The following TTN variants were observed in gnomAD, a reference collection of about 807,000 sequenced individuals.
TTN encodes titin.
In TTN, 1,525 loss-of-function variants were observed where a neutral mutation model predicts 3,223.0. The ratio of observed to expected loss-of-function variants is 0.47; its 90% CI spans 0.45 to 0.49. The LOEUF (loss-of-function observed/expected upper bound fraction) is 0.49. TTN is among the 20% of genes least tolerant of loss of function. The probability of loss-of-function intolerance (pLI) is 0.00; values close to 1 mark genes in which losing one functional copy is unlikely to be tolerated. For synonymous variants in TTN, 14,094 were observed against 15,161.0 expected, an observed-to-expected ratio of 0.93 and a Z score of 5.17; for missense variants, 40,786 against 43,424.0, an observed-to-expected ratio of 0.94 and a Z score of 5.40.
At position 178,740,828 on chromosome 2, in the gene TTN, A is replaced by G. The variant is rs767823868; in HGVS notation, c.12405T>C (p.Asn4135=). The part of the protein sequence containing the change: ...PESTREFLCI[N]GSIHFQPLKE... ...TGAGAGGCTGAAAGTGAATACTGCCATTGATGCAAAGAAATTCCCTGGTGC... is the reference window on the plus strand; with the variant it reads ...TGAGAGGCTGAAAGTGAATACTGCCGTTGATGCAAAGAAATTCCCTGGTGC... Residue 4135 remains asparagine, a synonymous_variant, in exon 48 of 363, where the codon AAT becomes AAC. Transcript: ENST00000589042. The G allele has an allele frequency of 6.2e-7, 1 of 1,613,674 alleles. No homozygotes were observed. The highest frequency in any genetic ancestry group is 1.3e-5 in the African/African-American group (1 of 74,896).
Position 178,694,814 on chromosome 2 carries a change from T to C in TTN, c.31348+15A>G, listed in dbSNP as rs1197331984. The C allele has an allele frequency of 1.3e-6, 2 of 1,549,016 alleles. No homozygotes were observed. The highest frequency in any genetic ancestry group is 3.9e-5 in the Admixed American group (2 of 51,320). The stretch of plus-strand genomic sequence containing the variant: ...TACTTGTGTACATGGGTGCTAGGAA[T>C]GTTTTAAATAATACCTTTGGTGACT... On this transcript the variant is annotated intron_variant, in intron 116 of 362. Transcript: ENST00000589042.
chr2:178,688,790 T>G lies in TTN; in HGVS notation c.32096-12A>C. On this transcript the variant is annotated splice_polypyrimidine_tract_variant and intron_variant, in intron 125 of 362. Coordinates refer to ENST00000589042, the MANE Select transcript of TTN (RefSeq NM_001267550.2). ...CTTAGAGACTTCAGCTTTAAGAAAGTGTTAAAGTTGAAGTTTAAAATCAAG... is the reference window on the plus strand; with the variant it reads ...CTTAGAGACTTCAGCTTTAAGAAAGGGTTAAAGTTGAAGTTTAAAATCAAG... 1 of 1,579,482 alleles carries G rather than the reference T, an allele frequency of 6.3e-7. No individual in the cohort carries two copies. Among genetic ancestry groups the G allele is most frequent in the Non-Finnish European group, 8.7e-7 (1 of 1,150,640 alleles).
In TTN at chr2:178,575,758, G is replaced by A; in HGVS notation, c.70374C>T (p.Leu23458=). 2 of 1,613,496 alleles carry A rather than the reference G, an allele frequency of 1.2e-6. No homozygotes were observed. Among genetic ancestry groups the A allele is most frequent in the Non-Finnish European group, 1.7e-6 (2 of 1,179,594 alleles). The change falls in exon 326 of 363, where the codon CTC becomes CTT. Residue 23458 remains leucine, a synonymous_variant. Transcript: ENST00000589042. This position sits in a 1 kb window ranked among gnomAD's most constrained non-coding sequence, Gnocchi z 4.0. ...TKDSVTLHWD[L]PLIDGGSRIT... is the part of the protein sequence containing the mutation. ...TACGTGAGCCTCCATCTATCAGAGGGAGGTCCCAGTGCAGGGTGACACTGT... is the reference window on the plus strand; with the variant it reads ...TACGTGAGCCTCCATCTATCAGAGGAAGGTCCCAGTGCAGGGTGACACTGT...
chr2:178,571,192 T>C lies in TTN; in HGVS notation c.74940A>G (p.Glu24980=), dbSNP rs1186500524. The C allele has an allele frequency of 1.9e-6, 3 of 1,613,542 alleles. No homozygotes were observed. Among genetic ancestry groups the C allele is most frequent in the Non-Finnish European group, 2.5e-6 (3 of 1,179,628 alleles). ...CGATGTTCTCTGCAGAGACTCTAAA[T>C]TCATATTCAACACCTTCTTCAAGGC... is the stretch of plus-strand genomic sequence containing the variant. ...TTGLEEGVEY[E]FRVSAENIVG... is the part of the protein sequence containing the mutation. The change falls in exon 326 of 363, where the codon GAA becomes GAG. Residue 24980 remains glutamate, a synonymous_variant. Transcript: ENST00000589042.
intron 71 of TTN, chr2:178,725,141 T>C (rs1434060242): frequency 2.4e-6 from 1 of 415,062 alleles, no homozygotes; most frequent in African/African-American, 2.0e-5. Flanking sequence ...TGCTAATTGA[T>C]ATAGACAGGT....
intron 336 of TTN, 29 bp downstream of exon 336, chr2:178,550,938 C>T: frequency 6.2e-7 from 1 of 1,602,716 alleles, no homozygotes; most frequent in South Asian, 1.1e-5. Flanking sequence ...TGCTCTTAGT[C>T]TCATTGGAAA....
At position 178,530,248 on chromosome 2, in the gene TTN, T is replaced by A. The variant is rs1288351302; in HGVS notation, c.106367A>T (p.Asp35456Val). 1 of 1,595,098 alleles carries A rather than the reference T, an allele frequency of 6.3e-7. No individual in the cohort carries two copies. Among genetic ancestry groups the A allele is most frequent in the Admixed American group, 1.8e-5 (1 of 56,582 alleles). Reference protein sequence around the residue: ...EPRPTAIWTKDGKAITQGGKY... With the variant: ...EPRPTAIWTKVGKAITQGGKY... ...CATTTAAGAACTGGTTACCTTTCCATCTTTTGTCCAGATGGCAGTTGGCCG... is the reference window on the plus strand; with the variant it reads ...CATTTAAGAACTGGTTACCTTTCCAACTTTTGTCCAGATGGCAGTTGGCCG... Residue 35456 changes from aspartate (D) to valine (V), a missense_variant, in exon 358 of 363, where the codon GAT becomes GTT. Transcript: ENST00000589042.
rs757709447 is a variant in TTN, at chr2:178,579,431, G to A, written c.67637-38C>T. On this transcript the variant is annotated intron_variant, in intron 319 of 362. Transcript: ENST00000589042. ...AGAGATAAATTACTGTTATTTTTAA[G>A]GCCAGGCGATTAACTTTTTCAAATA... is the stretch of plus-strand genomic sequence containing the variant. 5.1e-6 allele frequency: 8 copies of A among 1,556,764 alleles called. No individual in the cohort carries two copies. The South Asian group carries it at 8.5e-5, about 16-fold the overall frequency.
intron 151 of TTN, 130 bp from the exon 152 acceptor site, chr2:178,673,840 A>G: frequency 1.5e-6 from 1 of 671,034 alleles, no homozygotes; most frequent in Non-Finnish European, 2.5e-6. Flanking sequence ...AAATGGTAAT[A>G]ATAAATGTGG....
Position 178,553,534 on chromosome 2 carries a change from A to G in TTN, c.89471T>C (p.Met29824Thr). 6.2e-7 allele frequency: 1 copy of G among 1,613,452 alleles called. No individual in the cohort carries two copies. Reference protein sequence around the residue: ...NCAGQGEPIEMNEPVQAKDIL... With the variant: ...NCAGQGEPIETNEPVQAKDIL... Reference sequence around the variant, plus strand: ...ATCTTTAGCTTGTACAGGTTCATTCATTTCTATAGGTTCTCCTTGTCCAGC... The same window carrying G: ...ATCTTTAGCTTGTACAGGTTCATTCGTTTCTATAGGTTCTCCTTGTCCAGC... Residue 29824 changes from methionine to threonine, a missense_variant, in exon 334 of 363, where the codon ATG becomes ACG. Transcript: ENST00000589042.
Position 178,646,452 on chromosome 2 carries a change from A to G in TTN, c.40297+33T>C, listed in dbSNP as rs549467703. The G allele has an allele frequency of 6.1e-4, 855 of 1,399,590 alleles. 1 individual carries two copies. The highest frequency in any genetic ancestry group is 1.7e-3 in the Admixed American group (83 of 50,056). 86.7% of individuals were successfully genotyped at this position (1,399,590 alleles called of 1,614,324 possible). A position where few individuals can be genotyped will look rare whatever the true frequency, so the allele number is the denominator to read the frequency against. On this transcript the variant is annotated intron_variant, in intron 216 of 362. Coordinates refer to ENST00000589042, the MANE Select transcript of TTN (RefSeq NM_001267550.2). ...TATACATTTCAAGAGAAAGAATATG[A>G]TAAAGAAGATTTAAGTCCACTGGAT... is the stretch of plus-strand genomic sequence containing the variant.
In TTN at chr2:178,756,583, C is replaced by G. The variant is rs1316324018; in HGVS notation, c.10893G>C (p.Gln3631His). 2 of 1,612,412 alleles carry G rather than the reference C, an allele frequency of 1.2e-6. No homozygotes were observed. Among genetic ancestry groups the G allele is most frequent in the Non-Finnish European group, 1.7e-6 (2 of 1,178,962 alleles). ...IHTAASVQDT[Q>H]LCHTASLSQI... ...GTGAAAGGGATGCAGTATGGCACAA[C>G]TGTGTATCTTGAACAGATGCAGCTG... The change falls in exon 46 of 363, where the codon CAG becomes CAC. Residue 3631 changes from glutamine to histidine, a missense_variant. Physicochemically the swap from Gln to His is conservative, Grantham distance 24 (BLOSUM62 0). Coordinates refer to ENST00000589042, the MANE Select transcript of TTN (RefSeq NM_001267550.2).
rs371930491 is a variant in TTN, at chr2:178,534,923, G to A, written c.101692C>T (p.Leu33898Phe). Residue 33898 changes from leucine to phenylalanine, a missense_variant, in exon 358 of 363, where the codon CTT becomes TTT. Leu to Phe is a conservative substitution (Grantham distance 22, BLOSUM62 0). Coordinates refer to ENST00000589042, the MANE Select transcript of TTN (RefSeq NM_001267550.2). ...LVMIFEFISG[L>F]DIFERINTSA... ...GTGTTAATGCGCTCAAATATGTCAA[G>A]TCCTGATATAAACTCAAAGATCATA... The A allele has an allele frequency of 2.5e-6, 4 of 1,611,114 alleles. No homozygotes were observed. The highest frequency in any genetic ancestry group is 2.2e-5 in the East Asian group (1 of 44,868).
At position 178,721,188 on chromosome 2, in the gene TTN, C is replaced by T. The variant is rs2078303189; in HGVS notation, c.22831G>A (p.Val7611Ile). 6.3e-7 allele frequency: 1 copy of T among 1,597,922 alleles called. No homozygotes were observed. The highest frequency in any genetic ancestry group is 8.6e-7 in the Non-Finnish European group (1 of 1,169,440). The part of the protein sequence containing the change: ...QLSVKEPPKF[V>I]KKLEASKVAK... Reference sequence around the variant, plus strand: ...ACTTTTGAAGCTTCTAATTTCTTAACAAACTTTGGAGGTTCTAGTAAACCA... The same window carrying T: ...ACTTTTGAAGCTTCTAATTTCTTAATAAACTTTGGAGGTTCTAGTAAACCA... The change falls in exon 79 of 363, where the codon GTT becomes ATT. Residue 7611 changes from valine to isoleucine, a missense_variant. Coordinates refer to ENST00000589042, the MANE Select transcript of TTN (RefSeq NM_001267550.2).
chr2:178,783,058 T>C lies in TTN; in HGVS notation c.2848A>G (p.Lys950Glu), dbSNP rs367559160. The C allele has an allele frequency of 7.7e-5, 124 of 1,613,984 alleles. No homozygotes were observed. The highest frequency in any genetic ancestry group is 1.0e-4 in the Non-Finnish European group (121 of 1,179,988). Residue 950 changes from lysine (K) to glutamate (E), a missense_variant, in exon 18 of 363, where the codon AAA (lysine) becomes GAA (glutamate). Coordinates refer to ENST00000589042, the MANE Select transcript of TTN (RefSeq NM_001267550.2). ...TCACCTTCTATGACAGTCACATTTT[T>C]TAAGCCCTGAAGAGAGGAGAAAAAA... ...VTPPTLVSGL[K>E]NVTVIEGESV...
intron 9 of TTN, among the ~76,000 whole-genome samples, chr2:178,792,561 T>C (rs192806800): frequency 2.0e-5 from 3 of 152,352 alleles, no homozygotes; most frequent in East Asian, 3.9e-4. Context: ...TGGAAGACTT[T>C]AGAAGTAATT....
In TTN at chr2:178,768,149, T is replaced by C. The variant is rs1454539044; in HGVS notation, c.9170A>G (p.His3057Arg). 3 of 1,613,960 alleles carry C rather than the reference T, an allele frequency of 1.9e-6. No homozygotes were observed. Among genetic ancestry groups the C allele is most frequent in the Admixed American group, 3.3e-5 (2 of 59,990 alleles). ...STATLYVEAR[H>R]IEFRKHIKDI... ...CTTAATGTGTTTCCTAAATTCTATA[T>C]GACGAGCTGGAAAATAGCATGTAGA... The change falls in exon 39 of 363, where the codon CAT becomes CGT. Residue 3057 changes from histidine (H) to arginine (R), a missense_variant. Coordinates refer to ENST00000589042, the MANE Select transcript of TTN (RefSeq NM_001267550.2).
intron 88 of TTN, among the ~76,000 whole-genome samples, chr2:178,715,991 AAAG>A (rs1255526471): frequency 3.3e-5 from 5 of 152,182 alleles, no homozygotes; most frequent in African/African-American, 1.2e-4. Context: ...ATTATTACTA[AAAG>A]AAGGAGAAAA....
intron 98 of TTN, among the ~76,000 whole-genome samples, chr2:178,710,087 G>A (rs189162090): frequency 1.3e-4 from 20 of 152,278 alleles, no homozygotes; most frequent in African/African-American, 4.3e-4. Flanking sequence ...GCCATTTAGA[G>A]AATCACAAAT....
Sources: allele counts gnomAD v4.1 joint callset (sites outside exome capture counted in the v4.1 genomes callset), GRCh38; gene constraint gnomAD v4.1.1; non-coding constraint Gnocchi (gnomAD v3.1); transcripts MANE v1.5; gene names NCBI Gene and HGNC (gene_info 2026-07-23, HGNC 2026-07-21).